Variants in NELL2 observed in about 807,000 individuals in gnomAD.
NELL2 encodes neural EGFL like 2, also known as protein kinase C-binding protein NELL2.
Under a neutral mutation model 109.6 loss-of-function variants are expected in NELL2, and 41 were observed. The ratio of observed to expected loss-of-function variants is 0.37; its 90% CI spans 0.29 to 0.49. NELL2 has a LOEUF of 0.49. NELL2 is among the 20% of genes least tolerant of loss of function. The probability of loss-of-function intolerance (pLI) is 0.98; values close to 1 mark genes in which losing one functional copy is unlikely to be tolerated. For synonymous variants in NELL2, 355 were observed against 344.7 expected, an observed-to-expected ratio of 1.03 and a Z score of -0.33; for missense variants, 900 against 1,008.3, an observed-to-expected ratio of 0.89 and a Z score of 1.45.
chr12:44,811,286 T>C (rs1943167218), intron 3 of NELL2, among the ~76,000 whole-genome samples: 1 of 132,776 alleles, frequency 7.5e-6, no homozygotes, highest in Admixed American at 8.7e-5. Flanking sequence ...GGCACATGTA[T>C]ACCTATGTAA....
intron 12 of NELL2, among the ~76,000 whole-genome samples, chr12:44,687,642 C>A (rs1948770744): frequency 6.6e-6 from 1 of 152,130 alleles, no homozygotes; most frequent in South Asian, 2.1e-4. Flanking sequence ...TGTTTCACTC[C>A]AAGCAAGCAG....
intron 13 of NELL2, among the ~76,000 whole-genome samples, chr12:44,630,103 T>G (rs972542023): frequency 5.3e-5 from 8 of 152,218 alleles, no homozygotes; most frequent in African/African-American, 1.9e-4. Flanking sequence ...TGAAGATATA[T>G]AATTTGTACT....
intron 12 of NELL2, among the ~76,000 whole-genome samples, chr12:44,669,722 T>C (rs1948072438): frequency 6.6e-6 from 1 of 151,836 alleles, no homozygotes; most frequent in South Asian, 2.1e-4. Context: ...TAAAACAGAA[T>C]AAGAAGAATA....
chr12:44,547,084 C>T (rs1471560470), intron 15 of NELL2, among the ~76,000 whole-genome samples: 2 of 152,078 alleles, frequency 1.3e-5, no homozygotes, highest in South Asian at 2.1e-4. Flanking sequence ...AATCTCTATA[C>T]GAACAGAGCT....
chr12:44,565,704 G>A (rs1205926099), intron 15 of NELL2, among the ~76,000 whole-genome samples: 1 of 152,142 alleles, frequency 6.6e-6, no homozygotes, highest in Non-Finnish European at 1.5e-5. Context: ...AATTTTAAAT[G>A]TCTCTGGGCA....
chr12:44,546,723 A>G (rs1225334993), intron 15 of NELL2, among the ~76,000 whole-genome samples: 2 of 152,210 alleles, frequency 1.3e-5, no homozygotes, highest in Non-Finnish European at 2.9e-5. Flanking sequence ...CAATCAGATC[A>G]GTTGTACAAT....
chr12:44,773,057 C>A (rs575025995), intron 9 of NELL2, among the ~76,000 whole-genome samples: 1 of 152,214 alleles, frequency 6.6e-6, no homozygotes, highest in South Asian at 2.1e-4. Flanking sequence ...TCACTTCTGA[C>A]GAATCTCTCA....
At chr12:44,595,778 A>G (rs929884100) in intron 15 of NELL2, among the ~76,000 whole-genome samples, 1 of 152,078 alleles carries the variant, frequency 6.6e-6, no homozygotes, top group Non-Finnish European at 1.5e-5. Context: ...ATTAACCTAA[A>G]GGTTCAAGTT....
intron 9 of NELL2, among the ~76,000 whole-genome samples, chr12:44,761,136 C>T (rs1941107014): frequency 6.6e-6 from 1 of 152,086 alleles, no homozygotes; most frequent in African/African-American, 2.4e-5. Flanking sequence ...CCAAGGTGGG[C>T]AGATCACCTG....
intron 2 of NELL2, among the ~76,000 whole-genome samples, chr12:44,823,942 A>T (rs1320019004): frequency 6.6e-6 from 1 of 152,168 alleles, no homozygotes; most frequent in East Asian, 1.9e-4. Context: ...AACAGGTGTG[A>T]GGTGATATCT....
intron 2 of NELL2, among the ~76,000 whole-genome samples, chr12:44,842,416 T>C (rs779669227): frequency 6.6e-6 from 1 of 152,132 alleles, no homozygotes; most frequent in Non-Finnish European, 1.5e-5. Context: ...TTGGATTTCA[T>C]CTCATACCAC....
intron 10 of NELL2, 47 bp downstream of exon 10, chr12:44,714,602 GT>G (rs761673624): frequency 4.1e-6 from 5 of 1,211,004 alleles, no homozygotes; most frequent in Non-Finnish European, 5.8e-6. Context: ...CTTTTATCTT[GT>G]TTATAAATAG....
chr12:44,555,147 G>GAA (rs1943198566), intron 15 of NELL2, among the ~76,000 whole-genome samples: 1 of 152,148 alleles, frequency 6.6e-6, no homozygotes, highest in African/African-American at 2.4e-5. Context: ...TTGGGGTTCA[G>GAA]GTGGAGGGGT....
At chr12:44,683,520 A>T (rs1381042837) in intron 12 of NELL2, among the ~76,000 whole-genome samples, 1 of 151,990 alleles carries the variant, frequency 6.6e-6, no homozygotes, top group African/African-American at 2.4e-5. Flanking sequence ...GAATGCTTCC[A>T]GTTTTTGCCC....
At chr12:44,722,076 A>G (rs1013226994) in intron 9 of NELL2, among the ~76,000 whole-genome samples, 1 of 152,182 alleles carries the variant, frequency 6.6e-6, no homozygotes, top group Non-Finnish European at 1.5e-5. Flanking sequence ...TGGAGATGGA[A>G]CAGGAGAAGG....
intron 9 of NELL2, among the ~76,000 whole-genome samples, chr12:44,717,254 G>T (rs1938538009): frequency 6.6e-6 from 1 of 152,060 alleles, no homozygotes; most frequent in Non-Finnish European, 1.5e-5. Context: ...ACACTGCAAG[G>T]AATCATAAAA....
At chr12:44,602,776 G>GA (rs1359281548) in intron 15 of NELL2, among the ~76,000 whole-genome samples, 2 of 151,658 alleles carry the variant, frequency 1.3e-5, no homozygotes, top group Admixed American at 6.6e-5. Context: ...CATATTTCTG[G>GA]AAAAAATATG....
chr12:44,907,132 C>T (rs1945727916), intron 1 of NELL2, among the ~76,000 whole-genome samples: 1 of 152,070 alleles, frequency 6.6e-6, no homozygotes, highest in Non-Finnish European at 1.5e-5. Context: ...CTACTCCTGC[C>T]ATGATTGTAA....
chr12:44,751,576 C>T (rs1940655112), intron 9 of NELL2, among the ~76,000 whole-genome samples: 1 of 152,078 alleles, frequency 6.6e-6, no homozygotes, highest in Non-Finnish European at 1.5e-5. Flanking sequence ...TAAAAATCCA[C>T]ATGTATGGAT....
Sources: allele counts gnomAD v4.1 joint callset (sites outside exome capture counted in the v4.1 genomes callset), GRCh38; gene constraint gnomAD v4.1.1; transcripts MANE v1.5; gene names NCBI Gene and HGNC (gene_info 2026-07-23, HGNC 2026-07-21).